Variants in SH3GL3 observed in about 807,000 individuals in gnomAD.
SH3GL3 encodes endophilin-A3.
A neutral mutation model predicts 47.7 loss-of-function variants in SH3GL3; 33 were observed. The ratio of observed to expected loss-of-function variants is 0.69; its 90% CI spans 0.52 to 0.92. SH3GL3 has a LOEUF of 0.92. Ranked by LOEUF, SH3GL3 falls within the 40% of genes least tolerant of loss-of-function variation. The pLI is 0.00. For synonymous variants in SH3GL3, 155 were observed against 148.8 expected (o/e 1.04, Z -0.30); for missense variants, 363 against 417.8 (o/e 0.87, Z 1.14).
chr15:83,608,020 G>C (rs1353245566), intron 8 of SH3GL3, among the ~76,000 whole-genome samples: 1 of 152,078 alleles, frequency 6.6e-6, no homozygotes, highest in Non-Finnish European at 1.5e-5. Context: ...CAATAGACAA[G>C]TCATTGTTTT....
chr15:83,617,255 G>T (rs1378715282), intron 8 of SH3GL3, among the ~76,000 whole-genome samples: 2 of 152,056 alleles, frequency 1.3e-5, no homozygotes, highest in Non-Finnish European at 2.9e-5. Context: ...TCTTGTCCTG[G>T]TTTCTCTCCT....
chr15:83,498,781 C>A (rs1694398753), intron 1 of SH3GL3, among the ~76,000 whole-genome samples: 1 of 152,194 alleles, frequency 6.6e-6, no homozygotes, highest in African/African-American at 2.4e-5. Flanking sequence ...AATGGTCACC[C>A]CCTACTGAAA....
chr15:83,607,424 G>C (rs891015780), intron 8 of SH3GL3, among the ~76,000 whole-genome samples: 3 of 152,192 alleles, frequency 2.0e-5, no homozygotes, highest in African/African-American at 7.2e-5. Flanking sequence ...TTGAATGCCA[G>C]ATTTTAGGAA....
intron 1 of SH3GL3, among the ~76,000 whole-genome samples, chr15:83,466,885 TTTC>T (rs2040593342): frequency 6.6e-6 from 1 of 152,242 alleles, no homozygotes; most frequent in African/African-American, 2.4e-5. Context: ...TTTAGCCTGT[TTTC>T]TAATTGGGTT....
At chr15:83,580,532 C>T (rs1447285650) in intron 6 of SH3GL3, among the ~76,000 whole-genome samples, 1 of 152,208 alleles carries the variant, frequency 6.6e-6, no homozygotes, top group Non-Finnish European at 1.5e-5. Context: ...AGCCATTCAC[C>T]CTTTGGGTTC....
At chr15:83,568,472 T>C (rs911543330) in intron 3 of SH3GL3, 57 bp from the exon 4 acceptor site, 45 of 1,466,286 alleles carry the variant, frequency 3.1e-5, no homozygotes, top group East Asian at 4.6e-5. Context: ...TTAAATTCTA[T>C]GTACCTGTCA....
intron 1 of SH3GL3, among the ~76,000 whole-genome samples, chr15:83,534,174 A>G (rs935496904): frequency 1.3e-5 from 2 of 152,142 alleles, no homozygotes; most frequent in African/African-American, 4.8e-5. Flanking sequence ...TTTTCTCTCT[A>G]TCTCATGTGC....
intron 1 of SH3GL3, among the ~76,000 whole-genome samples, chr15:83,460,935 T>A (rs1044745012): frequency 2.0e-5 from 3 of 152,006 alleles, no homozygotes; most frequent in Non-Finnish European, 2.9e-5. Flanking sequence ...TACAGAAAAT[T>A]AGCTGGGCGT....
intron 6 of SH3GL3, among the ~76,000 whole-genome samples, chr15:83,583,171 G>T (rs1165744130): frequency 2.0e-5 from 3 of 152,158 alleles, no homozygotes; most frequent in African/African-American, 7.2e-5. Context: ...CTTTATTCCT[G>T]CATGCCAAAC....
At chr15:83,478,641 G>A (rs537314112) in intron 1 of SH3GL3, among the ~76,000 whole-genome samples, 31 of 152,344 alleles carry the variant, frequency 2.0e-4, no homozygotes, top group Middle Eastern at 3.4e-3. Context: ...TAAGAGTTGA[G>A]TTCAGAATCA....
chr15:83,550,888 G>T (rs1004026237), intron 1 of SH3GL3, among the ~76,000 whole-genome samples: 1 of 152,104 alleles, frequency 6.6e-6, no homozygotes, highest in Non-Finnish European at 1.5e-5. Context: ...TACTATTCTG[G>T]AGCATTTTCT....
chr15:83,530,161 C>T (rs896095814), intron 1 of SH3GL3, among the ~76,000 whole-genome samples: 3 of 152,170 alleles, frequency 2.0e-5, no homozygotes, highest in Non-Finnish European at 4.4e-5. Flanking sequence ...GTTAGGCACT[C>T]AGAATGGTGC....
At chr15:83,514,802 G>T (rs887083405) in intron 1 of SH3GL3, among the ~76,000 whole-genome samples, 8 of 152,068 alleles carry the variant, frequency 5.3e-5, no homozygotes, top group Non-Finnish European at 2.9e-5. Context: ...CCTCTTATTC[G>T]CAGCTGTCAT....
At chr15:83,551,465 AG>A (rs1206986327) in intron 1 of SH3GL3, among the ~76,000 whole-genome samples, 4 of 152,160 alleles carry the variant, frequency 2.6e-5, no homozygotes, top group Non-Finnish European at 4.4e-5. Context: ...GGTAATTAAG[AG>A]GGTTTTAGAA....
chr15:83,536,166 G>A (rs565684677), intron 1 of SH3GL3, among the ~76,000 whole-genome samples: 3 of 152,116 alleles, frequency 2.0e-5, no homozygotes, highest in Non-Finnish European at 4.4e-5. Flanking sequence ...ATTCTAGTTG[G>A]AACCCATTTT....
chr15:83,610,103 C>T (rs1430752618), intron 8 of SH3GL3, among the ~76,000 whole-genome samples: 8 of 152,166 alleles, frequency 5.3e-5, no homozygotes, highest in South Asian at 2.1e-4. Context: ...TGGGGATCTG[C>T]GTAGGATTTA....
Position 83,525,818 on chromosome 15 carries a change from A to G in SH3GL3, c.46-33435A>G, listed in dbSNP as rs78007280. On this transcript the variant is annotated intron_variant, in intron 1 of 8. Coordinates refer to ENST00000427482, the MANE Select transcript of SH3GL3 (RefSeq NM_003027.5). ...TATGTTCTGGGCATCTCTGTAAAAAATCAGTTGGCTGTACATATGTGGATT... is the reference window on the plus strand; with the variant it reads ...TATGTTCTGGGCATCTCTGTAAAAAGTCAGTTGGCTGTACATATGTGGATT... Among the ~76,000 whole-genome samples the G allele has an allele frequency of 3.3e-3, 495 of 152,292 alleles. 5 individuals are homozygous for G. Among genetic ancestry groups the G allele is most frequent in the African/African-American group, 0.011 (475 of 41,562 alleles).
chr15:83,450,985 G>A (rs1168651945), intron 1 of SH3GL3, among the ~76,000 whole-genome samples: 1 of 120,614 alleles, frequency 8.3e-6, no homozygotes, highest in African/African-American at 3.2e-5. Context: ...TCTCCAGAGT[G>A]TGTTATTCCC....
At chr15:83,589,527 T>G (rs1178410934) in intron 8 of SH3GL3, among the ~76,000 whole-genome samples, 1 of 151,964 alleles carries the variant, frequency 6.6e-6, no homozygotes, top group Non-Finnish European at 1.5e-5. Context: ...CAGGTGTATG[T>G]GACCCTGCCA....
Sources: gnomAD v4.1 joint callset for allele counts (sites outside exome capture counted in the v4.1 genomes callset) on GRCh38, gnomAD v4.1.1 for gene constraint, MANE v1.5 for transcripts, NCBI Gene and HGNC (gene_info 2026-07-23, HGNC 2026-07-21) for gene names.